The following MALAT1 variants were observed in gnomAD, a reference collection of about 807,000 sequenced individuals.
MALAT1 encodes the protein metastasis associated lung adenocarcinoma transcript 1.
intron 2 of MALAT1, chr11:65,498,824 T>G (rs1222106068): frequency 3.9e-6 from 2 of 518,770 alleles, no homozygotes; most frequent in Non-Finnish European, 7.7e-6. Flanking sequence ...AGTTTGCAGC[T>G]CAAATCTTTC....
At chr11:65,504,975 G>A (rs770233332) in intron 3 of MALAT1, 2 of 518,790 alleles carry the variant, frequency 3.9e-6, no homozygotes, top group South Asian at 1.4e-5. Context: ...GACTATAGAA[G>A]GAGCTTCCAG....
At chr11:65,500,026 C>T (rs1026823747) in exon 3 of MALAT1, 7 of 428,952 alleles carry the variant, frequency 1.6e-5, no homozygotes, top group Admixed American at 6.0e-5. Context: ...ATTTTAAAAG[C>T]CCATCAATTT....
At chr11:65,499,172 A>G (rs1423977493) in exon 3 of MALAT1, 2 of 507,710 alleles carry the variant, frequency 3.9e-6, no homozygotes, top group South Asian at 2.9e-5. Flanking sequence ...TATAGTCAAT[A>G]GGTTACTAAG....
chr11:65,497,975 G>A lies in MALAT1; in HGVS notation n.178+110G>A, dbSNP rs551093883. 27 of 518,932 alleles carry A rather than the reference G, an allele frequency of 5.2e-5. No homozygotes were observed. In the East Asian group the frequency reaches 1.4e-3, roughly 27 times the overall value. 32.1% of individuals were successfully genotyped at this position (518,932 alleles called of 1,614,324 possible). ...TCCTTATAGGCTGGCCATTCCAGGTGGTGGTATTTAGATAAAACCACTCAA... is the reference window on the plus strand; with the variant it reads ...TCCTTATAGGCTGGCCATTCCAGGTAGTGGTATTTAGATAAAACCACTCAA... On this transcript the variant is annotated intron_variant and non_coding_transcript_variant, in intron 1 of 3. Coordinates refer to ENST00000619449, the Ensembl canonical transcript of MALAT1.
chr11:65,504,204 C>G (rs372952626), intron 3 of MALAT1: 40 of 513,748 alleles, frequency 7.8e-5, no homozygotes, highest in South Asian at 2.4e-4. Context: ...TCCTTCTGTT[C>G]TAGTGAGTGT....
In MALAT1 at chr11:65,504,097, G is replaced by T. The variant is rs746508101; in HGVS notation, n.5168+192G>T. ...TTGACCTTATATAGGGAAGGGAGGG[G>T]GTGCCTGTGGGGTTTTAAAGAATTT... is the stretch of plus-strand genomic sequence containing the variant. On this transcript the variant is annotated intron_variant and non_coding_transcript_variant, in intron 3 of 3. Coordinates refer to ENST00000619449, the Ensembl canonical transcript of MALAT1. 3 of 517,278 alleles carry T rather than the reference G, an allele frequency of 5.8e-6. No homozygotes were observed. In the Admixed American group the frequency reaches 5.8e-5, roughly 10 times the overall value. The allele number at this position is 517,278 out of a possible 1,614,324, so 32.0% of individuals were successfully genotyped here. A position where few individuals can be genotyped will look rare whatever the true frequency, so the allele number is the denominator to read the frequency against.
At chr11:65,501,892 A>C (rs1590703360) in exon 3 of MALAT1, 1 of 516,876 alleles carries the variant, frequency 1.9e-6, no homozygotes, top group Non-Finnish European at 3.9e-6. Context: ...TACGGTTGGG[A>C]TTGGTGGGGT....
chr11:65,504,033 TGC>T (rs1261763447), intron 3 of MALAT1: 1 of 518,060 alleles, frequency 1.9e-6, no homozygotes, highest in Non-Finnish European at 3.9e-6. Context: ...TAACTTTAAA[TGC>T]TTACAATCTT....
At chr11:65,504,147 T>C in intron 3 of MALAT1, 1 of 517,054 alleles carries the variant, frequency 1.9e-6, no homozygotes, top group South Asian at 1.4e-5. Flanking sequence ...ATTTCATCCT[T>C]CATGAAGCCA....
At chr11:65,503,112 C>T (rs1281646530) in exon 3 of MALAT1, 2 of 508,830 alleles carry the variant, frequency 3.9e-6, no homozygotes, top group East Asian at 5.5e-5. Context: ...TTTCGTTTGC[C>T]TCAGACAGGT....
exon 3 of MALAT1, chr11:65,499,111 A>G (rs756779978): frequency 1.7e-5 from 9 of 518,310 alleles, no homozygotes; most frequent in South Asian, 4.2e-5. Context: ...GAAACCGCAG[A>G]TAAGTTTTTT....
At chr11:65,503,251 C>A (rs1292316117) in exon 3 of MALAT1, 2 of 516,126 alleles carry the variant, frequency 3.9e-6, no homozygotes, top group Non-Finnish European at 7.7e-6. Flanking sequence ...TTTTTAAGAG[C>A]TGTGGAGTTC....
exon 3 of MALAT1, chr11:65,499,827 G>T (rs868482468): frequency 2.4e-6 from 1 of 421,894 alleles, no homozygotes. Context: ...AGGGCAAAAT[G>T]TACAAACTTA....
chr11:65,500,611 A>G (rs1565051684), exon 3 of MALAT1: 1 of 518,920 alleles, frequency 1.9e-6, no homozygotes, highest in Non-Finnish European at 3.8e-6. Flanking sequence ...AGCTAGGAAA[A>G]AGGATTCCAG....
At chr11:65,499,130 A>G (rs772149016) in exon 3 of MALAT1, 1 of 517,820 alleles carries the variant, frequency 1.9e-6, no homozygotes, top group East Asian at 5.4e-5. Context: ...TTTCTCTTTG[A>G]AAGATAGAGA....
At position 65,501,344 on chromosome 11, in the gene MALAT1, G is replaced by A. The variant is rs760231372; in HGVS notation, n.2607G>A. 3 of 518,698 alleles carry A rather than the reference G, an allele frequency of 5.8e-6. No homozygotes were observed. In the Admixed American group the frequency reaches 5.8e-5, roughly 10 times the overall value. 32.1% of individuals were successfully genotyped at this position (518,698 alleles called of 1,614,324 possible). A position where few individuals can be genotyped will look rare whatever the true frequency, so the allele number is the denominator to read the frequency against. On this transcript the variant is annotated non_coding_transcript_exon_variant, in exon 3 of 4. Transcript: ENST00000619449. ...AGAAAACAAGAAAATCCAATATCAGGATAATCAGACCACCACAGGTTTACA... is the reference window on the plus strand; with the variant it reads ...AGAAAACAAGAAAATCCAATATCAGAATAATCAGACCACCACAGGTTTACA...
chr11:65,505,869 G>C (rs1565057705), intron 3 of MALAT1: 1 of 454,896 alleles, frequency 2.2e-6, no homozygotes, highest in East Asian at 5.6e-5. Flanking sequence ...CATGTAACTT[G>C]TAGACTGGAG....
exon 3 of MALAT1, chr11:65,501,950 G>C: frequency 1.9e-6 from 1 of 517,512 alleles, no homozygotes; most frequent in South Asian, 1.4e-5. Context: ...ACTCATGCCA[G>C]AGAACTTAAA....
At chr11:65,499,647 A>G in exon 3 of MALAT1, 1 of 438,070 alleles carries the variant, frequency 2.3e-6, no homozygotes, top group Admixed American at 2.7e-5. Context: ...TGGAGAAGAT[A>G]GAAGTTTGAA....
Sources: gnomAD v4.1 joint callset for allele counts on GRCh38, gnomAD v4.1.1 for gene constraint, MANE v1.5 for transcripts, NCBI Gene and HGNC (gene_info 2026-07-23, HGNC 2026-07-21) for gene names.